Variants in PCDHA12 observed in about 807,000 individuals in gnomAD.
PCDHA12 encodes the protein protocadherin alpha 12.
In PCDHA12, 44 loss-of-function variants were observed where a neutral mutation model predicts 60.0. That is an observed-to-expected ratio of 0.73 (90% CI 0.58 to 0.94). The LOEUF (loss-of-function observed/expected upper bound fraction) is 0.94, where lower values mean the gene tolerates loss of function less well. Ranked by LOEUF, PCDHA12 falls within the 40% of genes least tolerant of loss-of-function variation. PCDHA12 has a pLI of 0.00. For missense variants in PCDHA12, 1,276 were observed against 1,239.7 expected, an observed-to-expected ratio of 1.03 and a Z score of -0.44; for synonymous variants, 569 against 553.0, an observed-to-expected ratio of 1.03 and a Z score of -0.40.
chr5:140,915,937 G>A (rs782632336), intron 1 of PCDHA12, among the ~76,000 whole-genome samples: 7 of 152,104 alleles, frequency 4.6e-5, no homozygotes, highest in African/African-American at 7.2e-5. Flanking sequence ...GTCAGGGATT[G>A]GAGTCAAAAT....
At chr5:140,905,990 G>A (rs569951946) in intron 1 of PCDHA12, among the ~76,000 whole-genome samples, 5 of 152,280 alleles carry the variant, frequency 3.3e-5, no homozygotes, top group Admixed American at 1.3e-4. Flanking sequence ...GAAAGATGTA[G>A]GCTGGGAGGC....
intron 3 of PCDHA12, among the ~76,000 whole-genome samples, chr5:140,994,127 A>T (rs536865883): frequency 6.6e-6 from 1 of 152,348 alleles, no homozygotes; most frequent in South Asian, 2.1e-4. Flanking sequence ...GATAAGGGCG[A>T]CAATAATGCC....
At chr5:140,928,878 G>A (rs1563110550) in intron 1 of PCDHA12, 6 of 1,614,194 alleles carry the variant, frequency 3.7e-6, no homozygotes, top group Non-Finnish European at 4.2e-6. Flanking sequence ...CTGTCCCTCA[G>A]TTACTTCCAG....
At chr5:140,950,791 A>T (rs2153690738) in intron 1 of PCDHA12, among the ~76,000 whole-genome samples, 1 of 152,142 alleles carries the variant, frequency 6.6e-6, no homozygotes, top group East Asian at 1.9e-4. Flanking sequence ...CTTTTTAAAT[A>T]TTGTCTGGTT....
chr5:140,976,395 T>G (rs973484895), intron 1 of PCDHA12, among the ~76,000 whole-genome samples: 1 of 151,734 alleles, frequency 6.6e-6, no homozygotes, highest in Middle Eastern at 3.4e-3. Flanking sequence ...TACTAAAAAT[T>G]CAAAAATTAG....
At chr5:140,940,764 G>C (rs977154290) in intron 1 of PCDHA12, among the ~76,000 whole-genome samples, 1 of 152,080 alleles carries the variant, frequency 6.6e-6, no homozygotes, top group Non-Finnish European at 1.5e-5. Context: ...ACTTTTATTT[G>C]ACTTTTGATG....
chr5:141,003,453 A>T (rs2098125483), intron 3 of PCDHA12, among the ~76,000 whole-genome samples: 1 of 152,126 alleles, frequency 6.6e-6, no homozygotes, highest in East Asian at 1.9e-4. Flanking sequence ...ATGAAATTAC[A>T]GGCGTGCACC....
rs1041971288 is a variant in PCDHA12, at chr5:140,912,300, A to G, written c.2367+34461A>G. ...CCAGGAACAATACTTTGCCTCCTGT[A>G]ATCCAGTCAAGTTGACCCTCAGTAT... On this transcript the variant is annotated intron_variant, in intron 1 of 3. Coordinates refer to ENST00000398631, the MANE Select transcript of PCDHA12 (RefSeq NM_018903.4). Among the ~76,000 whole-genome samples, 5 of 152,070 alleles carry G rather than the reference A, an allele frequency of 3.3e-5. No homozygotes were observed. The East Asian group carries it at 9.7e-4, about 29-fold the overall frequency.
chr5:140,909,996 T>G (rs549464312), intron 1 of PCDHA12, among the ~76,000 whole-genome samples: 5 of 152,310 alleles, frequency 3.3e-5, no homozygotes, highest in African/African-American at 1.2e-4. Context: ...ACAGCATAAA[T>G]TGTTGTCAGT....
At chr5:140,986,828 G>C (rs1001117075) in intron 3 of PCDHA12, among the ~76,000 whole-genome samples, 2 of 152,146 alleles carry the variant, frequency 1.3e-5, no homozygotes, top group African/African-American at 2.4e-5. Flanking sequence ...TTTAGACAAT[G>C]GTTCTCAAAG....
At chr5:140,910,837 A>G (rs1217601068) in intron 1 of PCDHA12, among the ~76,000 whole-genome samples, 1 of 152,188 alleles carries the variant, frequency 6.6e-6, no homozygotes, top group Non-Finnish European at 1.5e-5. Context: ...GCCTGATCCA[A>G]TGCCTTGGAT....
intron 3 of PCDHA12, among the ~76,000 whole-genome samples, chr5:140,999,698 T>C (rs903538308): frequency 2.0e-5 from 3 of 152,192 alleles, no homozygotes; most frequent in Non-Finnish European, 4.4e-5. Flanking sequence ...ATGTGATTTT[T>C]TTTTAGCTAA....
intron 1 of PCDHA12, chr5:140,928,403 G>A (rs1554205862): frequency 6.2e-7 from 1 of 1,613,964 alleles, no homozygotes; most frequent in Non-Finnish European, 8.5e-7. Context: ...GAATCATCCA[G>A]TGGGGCCATC....
At chr5:140,975,313 T>C (rs2096662091) in intron 1 of PCDHA12, among the ~76,000 whole-genome samples, 1 of 152,224 alleles carries the variant, frequency 6.6e-6, no homozygotes, top group African/African-American at 2.4e-5. Flanking sequence ...TGTGATTATG[T>C]CAGTCCCATC....
rs2056694252 is a variant in PCDHA12, at chr5:140,876,918, G to A, written c.1446G>A (p.Ala482=). ...CHIFTVSAWD[A]DAQKNALVSY... is the part of the protein sequence containing the mutation. ...TCTTCACGGTGTCGGCATGGGACGC[G>A]GACGCGCAGAAGAACGCGCTGGTGT... The change falls in exon 1 of 4, where the codon GCG becomes GCA. Residue 482 remains alanine, a synonymous_variant. Coordinates refer to ENST00000398631, the MANE Select transcript of PCDHA12 (RefSeq NM_018903.4). 4 of 1,613,936 alleles carry A rather than the reference G, an allele frequency of 2.5e-6. No individual in the cohort carries two copies. Among genetic ancestry groups the A allele is most frequent in the East Asian group, 2.2e-5 (1 of 44,880 alleles).
intron 1 of PCDHA12, among the ~76,000 whole-genome samples, chr5:140,911,559 C>T (rs2075532280): frequency 6.6e-6 from 1 of 152,168 alleles, no homozygotes; most frequent in Non-Finnish European, 1.5e-5. Flanking sequence ...CATTTTCTTT[C>T]ATCACTTTGT....
intron 1 of PCDHA12, chr5:140,968,689 A>T: frequency 2.5e-6 from 4 of 1,614,124 alleles, no homozygotes; most frequent in Non-Finnish European, 3.4e-6. Context: ...ACACAGGAGA[A>T]ATTAGGACTA....
At chr5:140,892,894 TC>T (rs1198816126) in intron 1 of PCDHA12, among the ~76,000 whole-genome samples, 8 of 152,158 alleles carry the variant, frequency 5.3e-5, no homozygotes, top group Non-Finnish European at 7.4e-5. Context: ...AACCAACCTT[TC>T]CCCATCCTCC....
intron 1 of PCDHA12, among the ~76,000 whole-genome samples, chr5:140,942,119 A>T (rs1180591078): frequency 6.6e-6 from 1 of 152,242 alleles, no homozygotes; most frequent in African/African-American, 2.4e-5. Context: ...AACTTTATTA[A>T]AGGTGATATT....
Sources: allele counts gnomAD v4.1 joint callset (sites outside exome capture counted in the v4.1 genomes callset), GRCh38; gene constraint gnomAD v4.1.1; transcripts MANE v1.5; gene names NCBI Gene and HGNC (gene_info 2026-07-23, HGNC 2026-07-21).